The following KPNA6 variants were observed in gnomAD, a reference collection of about 807,000 sequenced individuals.
KPNA6 encodes the protein importin subunit alpha-7.
Under a neutral mutation model 72.0 loss-of-function variants are expected in KPNA6, and 9 were observed. That is an observed-to-expected ratio of 0.13 (90% CI 0.08 to 0.22). The LOEUF is 0.22. KPNA6 is among the 10% of genes least tolerant of loss of function. The probability of loss-of-function intolerance (pLI) is 1.00; values close to 1 mark genes in which losing one functional copy is unlikely to be tolerated. For missense variants in KPNA6, 374 were observed against 655.7 expected (o/e 0.57, Z 4.69); for synonymous variants, 219 against 242.1 (o/e 0.90, Z 0.89).
chr1:32,139,675 A>AG (rs1486851141), intron 1 of KPNA6, among the ~76,000 whole-genome samples: 1 of 152,172 alleles, frequency 6.6e-6, no homozygotes, highest in Non-Finnish European at 1.5e-5. Flanking sequence ...GGGGGAGAGG[A>AG]GGATGGACAT....
chr1:32,117,793 A>G (rs1345167639), intron 1 of KPNA6, among the ~76,000 whole-genome samples: 1 of 152,150 alleles, frequency 6.6e-6, no homozygotes, highest in Non-Finnish European at 1.5e-5. Flanking sequence ...CATAGCTAAT[A>G]CATGGAAGAG....
chr1:32,138,847 C>G (rs993059274), intron 1 of KPNA6, among the ~76,000 whole-genome samples: 3 of 152,156 alleles, frequency 2.0e-5, no homozygotes, highest in African/African-American at 7.2e-5. Context: ...CTGGATTTAA[C>G]AGTCTAAACT....
chr1:32,162,581 A>G, intron 9 of KPNA6, 57 bp downstream of exon 9: 1 of 1,592,384 alleles, frequency 6.3e-7, no homozygotes, highest in Non-Finnish European at 8.6e-7. Context: ...TTATGCTTAT[A>G]ATCCCAGCAC....
rs983312033 is a variant in KPNA6, at chr1:32,126,585, A to G, written c.4+18451A>G. 6.3e-4 allele frequency among the ~76,000 whole-genome samples: 95 copies of G among 151,928 alleles called. 1 individual carries two copies. Among genetic ancestry groups the G allele is most frequent in the African/African-American group, 2.1e-3 (87 of 41,434 alleles). ...TTTTTAGTAGAGACGAGGTTTCACCATGTTGGCCAGGCTGCTCTCGAACCC... is the reference window on the plus strand; with the variant it reads ...TTTTTAGTAGAGACGAGGTTTCACCGTGTTGGCCAGGCTGCTCTCGAACCC... On this transcript the variant is annotated intron_variant, in intron 1 of 13. Transcript: ENST00000373625.
intron 1 of KPNA6, 55 bp from the exon 2 acceptor site, chr1:32,154,532 GA>G (rs1570052293): frequency 6.3e-7 from 1 of 1,586,548 alleles, no homozygotes; most frequent in East Asian, 2.3e-5. Flanking sequence ...GAAGTCTAGT[GA>G]AAAGGAAATG....
intron 1 of KPNA6, among the ~76,000 whole-genome samples, chr1:32,110,742 C>T (rs1641232434): frequency 6.6e-6 from 1 of 152,014 alleles, no homozygotes; most frequent in Non-Finnish European, 1.5e-5. Flanking sequence ...ACTAAAAATA[C>T]AAAAATTAGC....
At chr1:32,161,018 T>C (rs1477089615) in intron 7 of KPNA6, among the ~76,000 whole-genome samples, 1 of 152,014 alleles carries the variant, frequency 6.6e-6, no homozygotes, top group Non-Finnish European at 1.5e-5. Flanking sequence ...TAGCCAGGTG[T>C]GGTGGCAGGC....
chr1:32,161,405 A>T (rs1642236101), intron 7 of KPNA6, among the ~76,000 whole-genome samples: 1 of 152,322 alleles, frequency 6.6e-6, no homozygotes, highest in East Asian at 1.9e-4. Context: ...GCGTCATTGT[A>T]TCCTTCTCCC....
intron 1 of KPNA6, among the ~76,000 whole-genome samples, chr1:32,135,498 A>ATTT (rs554428967): frequency 7.2e-5 from 9 of 125,576 alleles, no homozygotes; most frequent in Non-Finnish European, 1.3e-4. Context: ...ATGCTTGGCC[A>ATTT]TTTTTTTTTT....
At chr1:32,160,853 CTT>C (rs1642225472) in intron 7 of KPNA6, 150 bp downstream of exon 7, 1 of 632,394 alleles carries the variant, frequency 1.6e-6, no homozygotes, top group African/African-American at 1.8e-5. Flanking sequence ...AGATAGGTAT[CTT>C]TGGAGATTGA....
At chr1:32,120,289 G>A (rs1001391655) in intron 1 of KPNA6, among the ~76,000 whole-genome samples, 9 of 149,396 alleles carry the variant, frequency 6.0e-5, no homozygotes, top group Non-Finnish European at 1.3e-4. Context: ...CTGCCGCACA[G>A]GCTGGAGTGC....
chr1:32,146,903 A>C (rs1378979720), intron 1 of KPNA6, among the ~76,000 whole-genome samples: 4 of 151,928 alleles, frequency 2.6e-5, no homozygotes, highest in Non-Finnish European at 5.9e-5. Flanking sequence ...TTTGTTGCCC[A>C]GGCTGGAGTC....
chr1:32,168,196 T>G (rs1302819321), intron 12 of KPNA6, among the ~76,000 whole-genome samples: 2 of 152,198 alleles, frequency 1.3e-5, no homozygotes, highest in East Asian at 3.8e-4. Context: ...TTTGAGAAAT[T>G]AATTTGGGAT....
In KPNA6 at chr1:32,163,287, G is replaced by A. The variant is rs1200353435; in HGVS notation, c.964G>A (p.Val322Ile). 1 of 1,612,830 alleles carries A rather than the reference G, an allele frequency of 6.2e-7. No homozygotes were observed. Among genetic ancestry groups the A allele is most frequent in the East Asian group, 2.2e-5 (1 of 44,870 alleles). ...TGCCCTGAGAGCCGTGGGTAACATC[G>A]TCACTGGGGATGACATCCAGACCCA... ...SPALRAVGNI[V>I]TGDDIQTQVI... is the part of the protein sequence containing the mutation. Residue 322 changes from valine to isoleucine, a missense_variant, in exon 10 of 14, where the codon GTC (valine) becomes ATC (isoleucine). Coordinates refer to ENST00000373625, the MANE Select transcript of KPNA6 (RefSeq NM_012316.5).
At chr1:32,125,559 A>C (rs1641516760) in intron 1 of KPNA6, among the ~76,000 whole-genome samples, 1 of 152,202 alleles carries the variant, frequency 6.6e-6, no homozygotes, top group Admixed American at 6.5e-5. Context: ...GCTGCCTTCC[A>C]TGAAGTCACT....
chr1:32,167,766 A>G (rs888526930), intron 12 of KPNA6, among the ~76,000 whole-genome samples: 8 of 150,598 alleles, frequency 5.3e-5, no homozygotes, highest in African/African-American at 1.7e-4. Context: ...AGATGGGAGG[A>G]TGGCTTGAGC....
rs550834956 is a variant in KPNA6, at chr1:32,120,986, C to G, written c.4+12852C>G. Among the ~76,000 whole-genome samples the G allele has an allele frequency of 1.5e-3, 235 of 152,114 alleles. 1 individual carries two copies. Among genetic ancestry groups the G allele is most frequent in the African/African-American group, 5.3e-3 (220 of 41,468 alleles). The stretch of plus-strand genomic sequence containing the variant: ...TGAGTTCAAGCGTTCAAGCGACTCT[C>G]CTGCCTCAGCCTCCTGAGTAACTGA... On this transcript the variant is annotated intron_variant, in intron 1 of 13. Transcript: ENST00000373625.
At position 32,166,192 on chromosome 1, in the gene KPNA6, A is replaced by G; in HGVS notation, c.1078A>G (p.Ile360Val). Residue 360 changes from isoleucine (I) to valine (V), a missense_variant, in exon 11 of 14, where the codon ATT (isoleucine) becomes GTT (valine). Ile to Val is a conservative substitution (Grantham distance 29). Transcript: ENST00000373625. ...ESIRKEACWT[I>V]SNITAGNRAQ... ...AATCCGGAAGGAAGCTTGCTGGACTATTTCAAATATTACTGCTGGCAACAG... is the reference window on the plus strand; with the variant it reads ...AATCCGGAAGGAAGCTTGCTGGACTGTTTCAAATATTACTGCTGGCAACAG... 1.2e-6 allele frequency: 2 copies of G among 1,614,100 alleles called. No homozygotes were observed. Among genetic ancestry groups the G allele is most frequent in the Non-Finnish European group, 1.7e-6 (2 of 1,180,016 alleles).
At chr1:32,133,516 C>CA (rs56850687) in intron 1 of KPNA6, among the ~76,000 whole-genome samples, 9,018 of 43,282 alleles carry the variant, frequency 0.21, 545 homozygotes, top group South Asian at 0.38. Context: ...CTAGTCTCTA[C>CA]AAAAAAAAAA....
Sources: allele counts gnomAD v4.1 joint callset (sites outside exome capture counted in the v4.1 genomes callset), GRCh38; gene constraint gnomAD v4.1.1; transcripts MANE v1.5; gene names NCBI Gene and HGNC (gene_info 2026-07-23, HGNC 2026-07-21).